MACROD2: variants seen among roughly 807,000 people sequenced by gnomAD.
MACROD2 encodes the protein ADP-ribose glycohydrolase MACROD2.
In MACROD2, 36 loss-of-function variants were observed where a neutral mutation model predicts 70.4. The ratio of observed to expected loss-of-function variants is 0.51; its 90% CI spans 0.39 to 0.68. MACROD2 has a LOEUF of 0.68. Ranked by LOEUF, MACROD2 falls within the 30% of genes least tolerant of loss-of-function variation. The pLI, the probability that MACROD2 is intolerant of heterozygous loss-of-function variation, is 0.00. For synonymous variants in MACROD2, 172 were observed against 178.8 expected (o/e 0.96, Z 0.30); for missense variants, 496 against 538.4 (o/e 0.92, Z 0.78).
At chr20:14,444,623 G>A (rs1301826391) in intron 3 of MACROD2, among the ~76,000 whole-genome samples, 1 of 151,960 alleles carries the variant, frequency 6.6e-6, no homozygotes, top group Non-Finnish European at 1.5e-5. Flanking sequence ...TCTTTAGTGT[G>A]TGTGTCCCTC....
intron 9 of MACROD2, among the ~76,000 whole-genome samples, chr20:15,863,541 A>G (rs1299399537): frequency 1.3e-5 from 2 of 152,206 alleles, no homozygotes; most frequent in Non-Finnish European, 2.9e-5. Context: ...CATTAAAGTC[A>G]CAGTGTCCAA....
chr20:14,063,122 A>G (rs2053708710), intron 2 of MACROD2, among the ~76,000 whole-genome samples: 1 of 152,206 alleles, frequency 6.6e-6, no homozygotes, highest in Non-Finnish European at 1.5e-5. Flanking sequence ...TAGTGTTTTT[A>G]TGATTAAAAA....
At chr20:15,154,974 CTTA>C (rs770440146) in intron 5 of MACROD2, among the ~76,000 whole-genome samples, 1 of 152,096 alleles carries the variant, frequency 6.6e-6, no homozygotes, top group Non-Finnish European at 1.5e-5. Flanking sequence ...TCCCTAGGTT[CTTA>C]TTATGGCTGA....
intron 3 of MACROD2, among the ~76,000 whole-genome samples, chr20:14,091,105 T>A (rs960629185): frequency 6.6e-6 from 1 of 152,232 alleles, no homozygotes; most frequent in Non-Finnish European, 1.5e-5. Flanking sequence ...TTTGTTTTCT[T>A]GCTGTTGAGT....
At chr20:15,201,623 T>TG (rs899522718) in intron 5 of MACROD2, among the ~76,000 whole-genome samples, 2 of 152,180 alleles carry the variant, frequency 1.3e-5, no homozygotes, top group African/African-American at 4.8e-5. Context: ...AAACAACACT[T>TG]TATTATTTGA....
At chr20:15,988,202 A>G (rs1405191676) in intron 15 of MACROD2, among the ~76,000 whole-genome samples, 1 of 152,134 alleles carries the variant, frequency 6.6e-6, no homozygotes, top group African/African-American at 2.4e-5. Context: ...GCTTTTCGCT[A>G]TTGCAAATCC....
At chr20:14,878,862 T>C (rs1367457374) in intron 5 of MACROD2, among the ~76,000 whole-genome samples, 2 of 152,140 alleles carry the variant, frequency 1.3e-5, no homozygotes, top group Non-Finnish European at 2.9e-5. Context: ...GCTTCTATTA[T>C]GTTGCCCAGG....
rs114681427 is a variant in MACROD2 at position 14,499,733 on chromosome 20, C to T, written c.301+6225C>T. Among the ~76,000 whole-genome samples, 1,180 of 152,116 alleles carry T rather than the reference C, an allele frequency of 7.8e-3. 6 individuals carry two copies. The highest frequency in any genetic ancestry group is 0.027 in the African/African-American group (1,104 of 41,504). On this transcript the variant is annotated intron_variant, in intron 4 of 17. Coordinates refer to ENST00000684519, the MANE Select transcript of MACROD2 (RefSeq NM_001351661.2). ...TTGCCCTCCCTCCTTCCCTCCTCCC[C>T]GTCTTCTGTCCTCCCTCCCTCCTGC...
intron 10 of MACROD2, among the ~76,000 whole-genome samples, chr20:15,922,233 A>G (rs547657147): frequency 1.1e-4 from 17 of 152,302 alleles, no homozygotes; most frequent in Non-Finnish European, 2.1e-4. Context: ...CCCACTAGTT[A>G]TCTCTAGAGC....
chr20:15,264,111 G>A (rs1426353973), intron 6 of MACROD2, among the ~76,000 whole-genome samples: 1 of 152,116 alleles, frequency 6.6e-6, no homozygotes, highest in African/African-American at 2.4e-5. Context: ...ATAAAATCAA[G>A]TATAGGCCAA....
At chr20:15,647,679 AG>A (rs939070513) in intron 8 of MACROD2, among the ~76,000 whole-genome samples, 4 of 151,890 alleles carry the variant, frequency 2.6e-5, no homozygotes, top group Non-Finnish European at 5.9e-5. Context: ...GATGAATATA[AG>A]TTTGCAGGTC....
chr20:15,039,718 A>G (rs1369723292), intron 5 of MACROD2, among the ~76,000 whole-genome samples: 1 of 152,140 alleles, frequency 6.6e-6, no homozygotes, highest in Non-Finnish European at 1.5e-5. Flanking sequence ...TAAATGAGAA[A>G]TCAACTGGAG....
At chr20:15,038,192 G>A (rs563111410) in intron 5 of MACROD2, among the ~76,000 whole-genome samples, 34 of 152,162 alleles carry the variant, frequency 2.2e-4, no homozygotes, top group African/African-American at 4.3e-4. Flanking sequence ...CTTTTACATC[G>A]TTTCTTAATT....
chr20:15,412,310 C>T (rs2046089855), intron 6 of MACROD2, among the ~76,000 whole-genome samples: 1 of 152,002 alleles, frequency 6.6e-6, no homozygotes, highest in African/African-American at 2.4e-5. Flanking sequence ...GAAAAGCTGA[C>T]ATAAGGGAGA....
chr20:15,933,340 T>G lies in MACROD2; in HGVS notation c.838+2T>G. ...TGGAAGAGCAGAGCCAAGATGCAGG[T>G]AGGCTCAGATTTCTTTTGAGAAGTC... On this transcript the variant is annotated splice_donor_variant, in intron 11 of 17. Coordinates refer to ENST00000684519, the MANE Select transcript of MACROD2 (RefSeq NM_001351661.2). LOFTEE classifies it high-confidence loss of function. The G allele has an allele frequency of 6.2e-7, 1 of 1,612,916 alleles. No homozygotes were observed. Among genetic ancestry groups the G allele is most frequent in the Non-Finnish European group, 8.5e-7 (1 of 1,179,318 alleles).
chr20:15,461,961 A>G (rs992793167), intron 7 of MACROD2, among the ~76,000 whole-genome samples: 3 of 151,934 alleles, frequency 2.0e-5, no homozygotes, highest in Non-Finnish European at 2.9e-5. Context: ...TTTCTTTACT[A>G]TTAGGTCAAC....
At chr20:14,397,759 T>C (rs2083595819) in intron 3 of MACROD2, among the ~76,000 whole-genome samples, 1 of 152,186 alleles carries the variant, frequency 6.6e-6, no homozygotes, top group Non-Finnish European at 1.5e-5. Flanking sequence ...AATTCTCTCT[T>C]CTAGATTTAT....
At chr20:15,803,168 G>A (rs893622775) in intron 8 of MACROD2, among the ~76,000 whole-genome samples, 1 of 152,076 alleles carries the variant, frequency 6.6e-6, no homozygotes, top group African/African-American at 2.4e-5. Context: ...TATGAGGCTA[G>A]CATCACTCTG....
chr20:14,063,908 G>A (rs2053722132), intron 2 of MACROD2, among the ~76,000 whole-genome samples: 1 of 152,056 alleles, frequency 6.6e-6, no homozygotes, highest in Non-Finnish European at 1.5e-5. Context: ...TGTATACTTT[G>A]TGGAGACAGG....
Sources: allele counts gnomAD v4.1 joint callset (sites outside exome capture counted in the v4.1 genomes callset), GRCh38; gene constraint gnomAD v4.1.1; transcripts MANE v1.5; gene names NCBI Gene and HGNC (gene_info 2026-07-23, HGNC 2026-07-21).